CPA6: variants seen among roughly 807,000 people sequenced by gnomAD.
CPA6 encodes the protein carboxypeptidase B.
In CPA6, 58 loss-of-function variants were observed where a neutral mutation model predicts 63.3. The observed-to-expected ratio is 0.92, with a 90% CI of 0.74 to 1.14. The LOEUF is 1.14. Ranked by LOEUF, CPA6 falls within the 50% of genes most tolerant of loss-of-function variation. CPA6 has a pLI of 0.00. For missense variants in CPA6, 565 were observed against 526.6 expected (o/e 1.07, Z -0.71); for synonymous variants, 185 against 179.0 (o/e 1.03, Z -0.27).
rs77701308 is a variant in CPA6 at position 67,622,040 on chromosome 8, T to C, written c.192+2136A>G. On this transcript the variant is annotated intron_variant, in intron 2 of 10. Transcript: ENST00000297770. Reference sequence around the variant, plus strand: ...TACAGTCCTCACAGATGTAATTTTATTGCTTTTGATAATGGTAAGTGATTA... The same window carrying C: ...TACAGTCCTCACAGATGTAATTTTACTGCTTTTGATAATGGTAAGTGATTA... Among the ~76,000 whole-genome samples, 59 of 152,328 alleles carry C rather than the reference T, an allele frequency of 3.9e-4. No homozygotes were observed. The East Asian group carries it at 0.011, about 28-fold the overall frequency.
intron 2 of CPA6, among the ~76,000 whole-genome samples, chr8:67,582,863 T>C (rs1326407823): frequency 6.6e-6 from 1 of 152,208 alleles, no homozygotes; most frequent in Non-Finnish European, 1.5e-5. Flanking sequence ...TATGGAGGTC[T>C]AGGGCTAATT....
chr8:67,428,914 G>A (rs1317694760), intron 9 of CPA6, among the ~76,000 whole-genome samples: 1 of 152,290 alleles, frequency 6.6e-6, no homozygotes, highest in East Asian at 1.9e-4. Context: ...TTTCTTACAT[G>A]AATGTTGAAT....
chr8:67,687,724 C>T (rs6472330), intron 1 of CPA6, among the ~76,000 whole-genome samples: 70,117 of 151,958 alleles, frequency 0.46, 18,937 homozygotes, highest in African/African-American at 0.76. Flanking sequence ...ATTGTTGTGA[C>T]GCTAGGCAAG....
chr8:67,563,127 A>AAAAC, intron 2 of CPA6, among the ~76,000 whole-genome samples: 1 of 152,246 alleles, frequency 6.6e-6, no homozygotes, highest in African/African-American at 2.4e-5. Flanking sequence ...AGAGAAAAAA[A>AAAAC]AAAACACAAC....
chr8:67,691,503 CTG>C (rs1816814234), intron 1 of CPA6, among the ~76,000 whole-genome samples: 2 of 152,184 alleles, frequency 1.3e-5, no homozygotes, highest in South Asian at 4.1e-4. Flanking sequence ...CACTACAAGA[CTG>C]AGGCCTGAGA....
At chr8:67,470,940 G>C (rs191173872) in intron 8 of CPA6, among the ~76,000 whole-genome samples, 199 of 152,194 alleles carry the variant, frequency 1.3e-3, no homozygotes, top group Non-Finnish European at 5.1e-4. Context: ...GTATGCAGTA[G>C]CCAGAAGGAG....
At chr8:67,716,041 C>G (rs1180668753) in intron 1 of CPA6, among the ~76,000 whole-genome samples, 1 of 151,222 alleles carries the variant, frequency 6.6e-6, no homozygotes, top group Admixed American at 6.6e-5. Context: ...GCAATCCCAG[C>G]TACTCAAAAG....
chr8:67,535,465 G>A (rs1812565189), intron 2 of CPA6, among the ~76,000 whole-genome samples: 1 of 152,170 alleles, frequency 6.6e-6, no homozygotes, highest in South Asian at 2.1e-4. Flanking sequence ...CAGTGATGAT[G>A]AGATGAGCTT....
At chr8:67,486,955 T>C (rs1811490893) in intron 6 of CPA6, among the ~76,000 whole-genome samples, 1 of 151,836 alleles carries the variant, frequency 6.6e-6, no homozygotes, top group Non-Finnish European at 1.5e-5. Flanking sequence ...AGCCTCAAAC[T>C]CCTGGGCTCA....
intron 6 of CPA6, among the ~76,000 whole-genome samples, chr8:67,494,575 T>C (rs1269704126): frequency 6.6e-6 from 1 of 152,076 alleles, no homozygotes; most frequent in African/African-American, 2.4e-5. Flanking sequence ...CCTCATTCAG[T>C]TGGAGGTTAT....
At chr8:67,744,419 A>G (rs1455637647) in intron 1 of CPA6, among the ~76,000 whole-genome samples, 2 of 152,202 alleles carry the variant, frequency 1.3e-5, no homozygotes, top group East Asian at 3.9e-4. Context: ...ATTCTATACG[A>G]AAAGGGTGCC....
At chr8:67,430,380 A>G (rs978474203) in intron 9 of CPA6, among the ~76,000 whole-genome samples, 26 of 151,842 alleles carry the variant, frequency 1.7e-4, no homozygotes, top group Non-Finnish European at 5.9e-5. Flanking sequence ...GGGTTTCACC[A>G]TGTTGGTCAG....
chr8:67,552,278 T>C (rs945706600), intron 2 of CPA6, among the ~76,000 whole-genome samples: 1 of 152,214 alleles, frequency 6.6e-6, no homozygotes, highest in East Asian at 1.9e-4. Context: ...TTACCAAAGC[T>C]TGGGACACAA....
chr8:67,603,687 T>C (rs1814553784), intron 2 of CPA6, among the ~76,000 whole-genome samples: 1 of 152,204 alleles, frequency 6.6e-6, no homozygotes, highest in African/African-American at 2.4e-5. Flanking sequence ...TAAGATAGTC[T>C]GAAAAAAGTA....
intron 2 of CPA6, among the ~76,000 whole-genome samples, chr8:67,558,069 T>C (rs377684615): frequency 1.4e-4 from 21 of 152,126 alleles, no homozygotes; most frequent in Admixed American, 2.6e-4. Context: ...ATCTTACTTT[T>C]CCCCCTTCCA....
At chr8:67,644,686 G>C (rs1489260150) in intron 1 of CPA6, among the ~76,000 whole-genome samples, 1 of 152,192 alleles carries the variant, frequency 6.6e-6, no homozygotes, top group Non-Finnish European at 1.5e-5. Context: ...TTCCCAGATT[G>C]ATGAGCAGTG....
At chr8:67,439,224 T>C (rs898563066) in intron 8 of CPA6, among the ~76,000 whole-genome samples, 1 of 151,602 alleles carries the variant, frequency 6.6e-6, no homozygotes, top group African/African-American at 2.4e-5. Flanking sequence ...GCCTGGGAGT[T>C]TGAGGTTACA....
chr8:67,441,905 A>G (rs113949713), intron 8 of CPA6, among the ~76,000 whole-genome samples: 11 of 152,208 alleles, frequency 7.2e-5, no homozygotes, highest in Non-Finnish European at 1.2e-4. Context: ...GGATGGGTAT[A>G]TAAAAGAGGT....
At chr8:67,479,093 A>G (rs1587473910) in intron 8 of CPA6, among the ~76,000 whole-genome samples, 1 of 152,220 alleles carries the variant, frequency 6.6e-6, no homozygotes, top group African/African-American at 2.4e-5. Context: ...TTTTCAATTA[A>G]TGGCCTTTGA....
Sources: allele counts gnomAD v4.1 joint callset (sites outside exome capture counted in the v4.1 genomes callset), GRCh38; gene constraint gnomAD v4.1.1; transcripts MANE v1.5; gene names NCBI Gene and HGNC (gene_info 2026-07-23, HGNC 2026-07-21).